Variants in ANKS1A observed in about 807,000 individuals in gnomAD.
ANKS1A encodes ankyrin repeat and SAM domain-containing protein 1A.
A neutral mutation model predicts 120.3 loss-of-function variants in ANKS1A; 55 were observed. The ratio of observed to expected loss-of-function variants is 0.46; its 90% confidence interval spans 0.37 to 0.57. ANKS1A has a LOEUF of 0.57. Ranked by LOEUF, ANKS1A falls within the 20% of genes least tolerant of loss-of-function variation. The pLI, the probability that ANKS1A is intolerant of heterozygous loss-of-function variation, is 0.00. For synonymous variants in ANKS1A, 590 were observed against 604.7 expected, an observed-to-expected ratio of 0.98 and a Z score of 0.36; for missense variants, 1,123 against 1,480.3, an observed-to-expected ratio of 0.76 and a Z score of 3.96.
At chr6:34,971,204 G>A (rs1395954299) in intron 3 of ANKS1A, among the ~76,000 whole-genome samples, 2 of 152,210 alleles carry the variant, frequency 1.3e-5, no homozygotes, top group African/African-American at 4.8e-5. Flanking sequence ...TCAGTGGAAT[G>A]AAGATCATTT....
chr6:35,089,043 T>G lies in ANKS1A; in HGVS notation c.*434T>G. 1 of 1,082,066 alleles carries G rather than the reference T, an allele frequency of 9.2e-7. No individual in the cohort carries two copies. The highest frequency in any genetic ancestry group is 1.1e-6 in the Non-Finnish European group (1 of 886,790). 67.0% of individuals were successfully genotyped at this position (1,082,066 alleles called of 1,614,324 possible). A position where few individuals can be genotyped will look rare whatever the true frequency, so the allele number is the denominator to read the frequency against. Reference sequence around the variant, plus strand: ...ATAGCCTCTGTCCTCAGGACGGAACTTGGGTGCAGCTCAGTGGGTCGGAAG... The same window carrying G: ...ATAGCCTCTGTCCTCAGGACGGAACGTGGGTGCAGCTCAGTGGGTCGGAAG... On this transcript the variant is annotated 3_prime_UTR_variant, in exon 24 of 24. Coordinates refer to ENST00000360359, the MANE Select transcript of ANKS1A (RefSeq NM_015245.3).
Position 35,088,771 on chromosome 6 carries a change from G to T in ANKS1A, c.*162G>T. ...CTTGGCCTGGGCCTGCCACCACCAC[G>T]TCCTGCAGAACGAGCCCTGCCTTGG... On this transcript the variant is annotated 3_prime_UTR_variant, in exon 24 of 24. Coordinates refer to ENST00000360359, the MANE Select transcript of ANKS1A (RefSeq NM_015245.3). The T allele has an allele frequency of 6.4e-7, 1 of 1,553,706 alleles. No individual in the cohort carries two copies. The highest frequency in any genetic ancestry group is 1.2e-5 in the South Asian group (1 of 85,648).
chr6:34,996,395 G>A (rs1772855195), intron 10 of ANKS1A, among the ~76,000 whole-genome samples: 1 of 151,900 alleles, frequency 6.6e-6, no homozygotes, highest in South Asian at 2.1e-4. Flanking sequence ...TGCCTTAACA[G>A]TGTCTTTTGA....
chr6:35,003,721 A>G (rs7759369), intron 10 of ANKS1A, among the ~76,000 whole-genome samples: 100,928 of 152,120 alleles, frequency 0.66, 35,829 homozygotes, highest in Non-Finnish European at 0.8. Context: ...GCACAAGTGT[A>G]CTATATGAAT....
intron 12 of ANKS1A, among the ~76,000 whole-genome samples, chr6:35,056,159 A>G (rs1581708826): frequency 6.6e-6 from 1 of 152,224 alleles, no homozygotes; most frequent in South Asian, 2.1e-4. Flanking sequence ...CTTGGATTTG[A>G]TAAGTCGGGA....
intron 10 of ANKS1A, among the ~76,000 whole-genome samples, chr6:35,014,349 C>G (rs910591376): frequency 6.6e-6 from 1 of 152,174 alleles, no homozygotes; most frequent in Non-Finnish European, 1.5e-5. Flanking sequence ...TTCTTATATT[C>G]CACAAAATAT....
In ANKS1A at chr6:34,981,831, G is replaced by A; in HGVS notation, c.577G>A (p.Gly193Arg). Residue 193 changes from glycine (G) to arginine (R), a missense_variant, in exon 4 of 24, where the codon GGG (glycine) becomes AGG (arginine). Physicochemically the swap from Gly to Arg is moderately radical, Grantham distance 125. This residue lies in a region of ANKS1A where 146 missense variants were observed against 267.8 expected (regional missense o/e 0.55). Coordinates refer to ENST00000360359, the MANE Select transcript of ANKS1A (RefSeq NM_015245.3). ...CCCTTTGGACCTGGCAGCACTGTAC[G>A]GGCGACTGGAGGTGGTGAAAATGCT... is the stretch of plus-strand genomic sequence containing the variant. ...ETPLDLAALY[G>R]RLEVVKMLLN... The A allele has an allele frequency of 6.2e-7, 1 of 1,614,066 alleles. No homozygotes were observed. Among genetic ancestry groups the A allele is most frequent in the Non-Finnish European group, 8.5e-7 (1 of 1,179,978 alleles).
chr6:35,073,659 C>A (rs912279957), intron 13 of ANKS1A, among the ~76,000 whole-genome samples: 1 of 152,252 alleles, frequency 6.6e-6, no homozygotes, highest in African/African-American at 2.4e-5. Context: ...ATCCCTAGGA[C>A]AATGAACTGT....
chr6:34,903,466 A>G (rs1349029932), intron 1 of ANKS1A, among the ~76,000 whole-genome samples: 1 of 150,668 alleles, frequency 6.6e-6, no homozygotes, highest in Non-Finnish European at 1.5e-5. Context: ...CTAGGACTAC[A>G]GGCATGCACC....
chr6:34,942,101 GT>G (rs1256431411), intron 1 of ANKS1A, among the ~76,000 whole-genome samples: 1 of 152,186 alleles, frequency 6.6e-6, no homozygotes, highest in Non-Finnish European at 1.5e-5. Flanking sequence ...AGTTTTGGGG[GT>G]TTATTATGTT....
chr6:35,014,328 C>T (rs1427984105), intron 10 of ANKS1A, among the ~76,000 whole-genome samples: 1 of 152,170 alleles, frequency 6.6e-6, no homozygotes, highest in Non-Finnish European at 1.5e-5. Flanking sequence ...ATAAGAATTT[C>T]TTTCCATCAT....
intron 10 of ANKS1A, among the ~76,000 whole-genome samples, chr6:34,997,995 G>C (rs1268099513): frequency 6.6e-6 from 1 of 152,208 alleles, no homozygotes. Flanking sequence ...TTGAACCACA[G>C]GCTGTGGGAT....
intron 9 of ANKS1A, among the ~76,000 whole-genome samples, chr6:34,991,575 CACACAT>C (rs1244163414): frequency 1.2e-5 from 1 of 80,148 alleles, no homozygotes; most frequent in African/African-American, 3.8e-5. Flanking sequence ...CACACACACA[CACACAT>C]ATACACATAT....
At chr6:35,001,108 G>T (rs796221118) in intron 10 of ANKS1A, among the ~76,000 whole-genome samples, 1 of 152,142 alleles carries the variant, frequency 6.6e-6, no homozygotes, top group South Asian at 2.1e-4. Flanking sequence ...TTAAAATTAA[G>T]TTTAACGTTA....
intron 1 of ANKS1A, among the ~76,000 whole-genome samples, chr6:34,909,164 C>G (rs568943076): frequency 6.6e-6 from 1 of 152,102 alleles, no homozygotes; most frequent in Non-Finnish European, 1.5e-5. Context: ...TTTTCTCCAC[C>G]GTACACCCAT....
chr6:34,978,844 C>G (rs1771749576), intron 3 of ANKS1A, among the ~76,000 whole-genome samples: 1 of 151,064 alleles, frequency 6.6e-6, no homozygotes, highest in African/African-American at 2.4e-5. Flanking sequence ...TAGACCTTAC[C>G]CTCTGAGGTG....
intron 10 of ANKS1A, among the ~76,000 whole-genome samples, chr6:34,999,382 AT>A (rs922252411): frequency 7.2e-5 from 11 of 151,990 alleles, no homozygotes; most frequent in Admixed American, 7.2e-4. Context: ...GGATACTCTG[AT>A]TTTGGTTTTG....
chr6:35,072,220 C>T (rs1777117937), intron 13 of ANKS1A, among the ~76,000 whole-genome samples: 1 of 152,252 alleles, frequency 6.6e-6, no homozygotes, highest in Non-Finnish European at 1.5e-5. Context: ...CCTGCAGTAG[C>T]CCCTGCCGCT....
chr6:34,970,936 A>T (rs187087827), intron 3 of ANKS1A, among the ~76,000 whole-genome samples: 19 of 152,212 alleles, frequency 1.2e-4, no homozygotes, highest in African/African-American at 4.6e-4. Flanking sequence ...TAAGCCCAGG[A>T]GTTTGAGGGT....
Sources: gnomAD v4.1 joint callset for allele counts (sites outside exome capture counted in the v4.1 genomes callset) on GRCh38, gnomAD v4.1.1 for gene constraint, gnomAD v4.1.1 regional missense constraint, MANE v1.5 for transcripts, NCBI Gene and HGNC (gene_info 2026-07-23, HGNC 2026-07-21) for gene names.